The following CDH2 variants were observed in gnomAD, a reference collection of about 807,000 sequenced individuals.
CDH2 encodes cadherin-2.
In CDH2, 17 loss-of-function variants were observed where a neutral mutation model predicts 92.0. The observed-to-expected ratio is 0.18, with a 90% confidence interval of 0.13 to 0.28. CDH2 has a LOEUF of 0.28. CDH2 is among the 10% of genes least tolerant of loss of function. The pLI is 1.00. For synonymous variants in CDH2, 419 were observed against 415.9 expected (o/e 1.01, Z -0.09); for missense variants, 862 against 1,133.1 (o/e 0.76, Z 3.44).
chr18:28,149,643 G>GT (rs2144330866), intron 1 of CDH2, among the ~76,000 whole-genome samples: 1 of 152,262 alleles, frequency 6.6e-6, no homozygotes, highest in Admixed American at 6.5e-5. Context: ...ACATACTTAT[G>GT]TAAGAAGAAA....
At chr18:27,945,216 G>A (rs926024067) in intron 6 of CDH2, among the ~76,000 whole-genome samples, 2 of 149,772 alleles carry the variant, frequency 1.3e-5, no homozygotes, top group Admixed American at 1.3e-4. Flanking sequence ...AGCAAGACCC[G>A]TAAGACTGAA....
chr18:28,168,914 G>A (rs1209355078), intron 1 of CDH2, among the ~76,000 whole-genome samples: 1 of 152,064 alleles, frequency 6.6e-6, no homozygotes, highest in Admixed American at 6.6e-5. Context: ...TCTGATAAAG[G>A]GAGAAACCCG....
chr18:28,128,636 T>C lies in CDH2; in HGVS notation c.172+19037A>G, dbSNP rs543968132. ...AGAAGGTCAAGGCTGCAGACAGCCGTGATCATGCCATTGCACTCCAGCCTG... is the reference window on the plus strand; with the variant it reads ...AGAAGGTCAAGGCTGCAGACAGCCGCGATCATGCCATTGCACTCCAGCCTG... On this transcript the variant is annotated intron_variant, in intron 2 of 15. Coordinates refer to ENST00000269141, the MANE Select transcript of CDH2 (RefSeq NM_001792.5). 7.2e-5 allele frequency among the ~76,000 whole-genome samples: 11 copies of C among 151,778 alleles called. No individual in the cohort carries two copies. The South Asian group carries it at 1.7e-3, about 23-fold the overall frequency.
At chr18:27,934,957 T>G (rs1042095066) in intron 6 of CDH2, among the ~76,000 whole-genome samples, 2 of 152,214 alleles carry the variant, frequency 1.3e-5, no homozygotes, top group Non-Finnish European at 2.9e-5. Context: ...GATCTGAAAC[T>G]GCCCCAACTT....
chr18:27,991,377 C>CT (rs1479500559), intron 9 of CDH2, among the ~76,000 whole-genome samples: 1 of 152,272 alleles, frequency 6.6e-6, no homozygotes, highest in African/African-American at 2.4e-5. Flanking sequence ...TCAAACACAT[C>CT]TTTTTTTCTC....
At chr18:28,066,366 G>C (rs2014506833) in intron 2 of CDH2, among the ~76,000 whole-genome samples, 1 of 152,092 alleles carries the variant, frequency 6.6e-6, no homozygotes, top group South Asian at 2.1e-4. Context: ...TCTAATCAGA[G>C]TATTTTTAGA....
chr18:27,959,970 G>A lies in CDH2; in HGVS notation c.2514+3387C>T, dbSNP rs576717964. ...GCTGAGGCTGCAGTTTGTTATGATT[G>A]TGCCACTGCACTCCAGCCTGAGCAA... On this transcript the variant is annotated intron_variant, in intron 15 of 15. Coordinates refer to ENST00000269141, the MANE Select transcript of CDH2 (RefSeq NM_001792.5). Among the ~76,000 whole-genome samples, 13 of 151,860 alleles carry A rather than the reference G, an allele frequency of 8.6e-5. No individual in the cohort carries two copies. The South Asian group carries it at 2.7e-3, about 32-fold the overall frequency.
intron 14 of CDH2, among the ~76,000 whole-genome samples, chr18:27,968,120 G>A (rs2011573530): frequency 6.6e-6 from 1 of 152,104 alleles, no homozygotes; most frequent in Non-Finnish European, 1.5e-5. Flanking sequence ...CCTTTATCTG[G>A]TGCTCATCAT....
chr18:28,093,928 G>A (rs1265193634), intron 2 of CDH2, among the ~76,000 whole-genome samples: 1 of 152,188 alleles, frequency 6.6e-6, no homozygotes, highest in Admixed American at 6.5e-5. Context: ...AAGGGAAACA[G>A]CGGGGTGCCT....
chr18:27,978,966 A>G (rs1323223396), intron 14 of CDH2, among the ~76,000 whole-genome samples: 1 of 152,154 alleles, frequency 6.6e-6, no homozygotes. Flanking sequence ...CAAAATTTTT[A>G]AATAGAAACA....
chr18:27,994,271 T>C (rs557130784), intron 7 of CDH2, among the ~76,000 whole-genome samples: 6 of 152,342 alleles, frequency 3.9e-5, no homozygotes, highest in South Asian at 2.1e-4. Flanking sequence ...ATATATTTGA[T>C]AACTGCATAT....
At chr18:28,164,386 T>C (rs2016348881) in intron 1 of CDH2, among the ~76,000 whole-genome samples, 1 of 152,158 alleles carries the variant, frequency 6.6e-6, no homozygotes, top group Admixed American at 6.5e-5. Context: ...GAACCACGTG[T>C]GGTACATAGT....
At chr18:28,061,709 G>A (rs2014405600) in intron 2 of CDH2, among the ~76,000 whole-genome samples, 1 of 152,224 alleles carries the variant, frequency 6.6e-6, no homozygotes, top group African/African-American at 2.4e-5. Context: ...CTAAAGGGAA[G>A]AGGTTTAATT....
At chr18:28,028,355 A>T (rs1213710503) in intron 2 of CDH2, among the ~76,000 whole-genome samples, 1 of 152,132 alleles carries the variant, frequency 6.6e-6, no homozygotes, top group East Asian at 1.9e-4. Flanking sequence ...GGTTCATAGA[A>T]CATGATGTGC....
chr18:27,937,926 A>G (rs1909054034), intron 6 of CDH2, among the ~76,000 whole-genome samples: 1 of 152,160 alleles, frequency 6.6e-6, no homozygotes, highest in African/African-American at 2.4e-5. Flanking sequence ...GGCATATGAT[A>G]TGGTTTGAAT....
intron 14 of CDH2, among the ~76,000 whole-genome samples, chr18:27,972,383 A>G (rs1027610400): frequency 6.6e-6 from 1 of 152,184 alleles, no homozygotes; most frequent in African/African-American, 2.4e-5. Flanking sequence ...ACTAAATAAA[A>G]TATCTATCAT....
chr18:28,067,685 C>G (rs1237442334), intron 2 of CDH2, among the ~76,000 whole-genome samples: 3 of 152,088 alleles, frequency 2.0e-5, no homozygotes, highest in Non-Finnish European at 4.4e-5. Flanking sequence ...AACAGTATCT[C>G]TTATTTTGTT....
intron 1 of CDH2, among the ~76,000 whole-genome samples, chr18:28,157,345 C>A (rs1317685095): frequency 6.6e-6 from 1 of 152,182 alleles, no homozygotes; most frequent in African/African-American, 2.4e-5. Context: ...TCAGTGACTG[C>A]AAATATTTAC....
At chr18:28,133,460 C>T (rs980376116) in intron 2 of CDH2, among the ~76,000 whole-genome samples, 3 of 151,028 alleles carry the variant, frequency 2.0e-5, no homozygotes, top group Admixed American at 6.6e-5. Flanking sequence ...TGGGTGCCTG[C>T]GGTCCCAGCT....
Sources: gnomAD v4.1 joint callset for allele counts (sites outside exome capture counted in the v4.1 genomes callset) on GRCh38, gnomAD v4.1.1 for gene constraint, MANE v1.5 for transcripts, NCBI Gene and HGNC (gene_info 2026-07-23, HGNC 2026-07-21) for gene names.